MAP3K5: variants seen among roughly 807,000 people sequenced by gnomAD.
MAP3K5 encodes ASK-1.
MAP3K5 carries 56 observed loss-of-function variants against 158.7 expected under a neutral mutation model. That is an observed-to-expected ratio of 0.35 (90% CI 0.28 to 0.44). MAP3K5 has a LOEUF of 0.44. Ranked by LOEUF, MAP3K5 falls within the 20% of genes least tolerant of loss-of-function variation. The pLI is 1.00. For synonymous variants in MAP3K5, 579 were observed against 601.7 expected (o/e 0.96, Z 0.55); for missense variants, 1,294 against 1,674.8 (o/e 0.77, Z 3.97).
chr6:136,743,805 A>G (rs1782816666), intron 1 of MAP3K5, among the ~76,000 whole-genome samples: 1 of 152,212 alleles, frequency 6.6e-6, no homozygotes. Context: ...TCAGGATGTA[A>G]GTGGATAAAT....
intron 21 of MAP3K5, among the ~76,000 whole-genome samples, chr6:136,599,366 G>A (rs1312410781): frequency 6.6e-6 from 1 of 152,122 alleles, no homozygotes; most frequent in Non-Finnish European, 1.5e-5. Context: ...AACGGCGAAA[G>A]GGCAGTGGGA....
At position 136,595,395 on chromosome 6, in the gene MAP3K5, C is replaced by T. The variant is rs554240372; in HGVS notation, c.2879-2781G>A. On this transcript the variant is annotated intron_variant, in intron 21 of 29. Transcript: ENST00000359015. ...TCTGGGATTACAGGTGTTGAGCCAC[C>T]GCACCCGGCCTGCTTGATTTTAAAT... 1.1e-4 allele frequency among the ~76,000 whole-genome samples: 16 copies of T among 152,246 alleles called. 1 individual carries two copies. The East Asian group carries it at 1.9e-3, about 18-fold the overall frequency.
At chr6:136,741,636 A>C (rs1225373334) in intron 1 of MAP3K5, among the ~76,000 whole-genome samples, 1 of 152,162 alleles carries the variant, frequency 6.6e-6, no homozygotes, top group Admixed American at 6.5e-5. Context: ...TGGAAATCCC[A>C]GCTAATGAAA....
chr6:136,733,616 A>C (rs963988700), intron 1 of MAP3K5, among the ~76,000 whole-genome samples: 2 of 151,490 alleles, frequency 1.3e-5, no homozygotes, highest in South Asian at 4.2e-4. Context: ...GTTAAAAAAC[A>C]AAAAACAAAC....
rs1406916233 is a variant in MAP3K5, at chr6:136,698,488, C to T, written c.806+1G>A. The T allele has an allele frequency of 1.2e-6, 2 of 1,612,388 alleles. No homozygotes were observed. The highest frequency in any genetic ancestry group is 1.7e-6 in the Non-Finnish European group (2 of 1,178,928). ...AAATGGCATTATTAATTAAACTTTA[C>T]CTAGAACTTGCTTGTGCCACCTTCA... On this transcript the variant is annotated splice_donor_variant, in intron 4 of 29. Transcript: ENST00000359015. LOFTEE classifies it high-confidence loss of function.
Position 136,562,633 on chromosome 6 carries a change from ATTGT to A in MAP3K5, c.3762-22_3762-19del. ...CCAGTAATCTGCAGAAGAAAAATATATTGTTTGACAGGAGGTGACACAGGGTGAC... is the reference window on the plus strand; with the variant it reads ...CCAGTAATCTGCAGAAGAAAAATATATTGACAGGAGGTGACACAGGGTGAC... On this transcript the variant is annotated intron_variant, in intron 26 of 29. Coordinates refer to ENST00000359015, the MANE Select transcript of MAP3K5 (RefSeq NM_005923.4). 7.4e-7 allele frequency: 1 copy of A among 1,351,900 alleles called. No individual in the cohort carries two copies. The allele number at this position is 1,351,900 out of a possible 1,614,324, so 83.7% of individuals were successfully genotyped here. A position where few individuals can be genotyped will look rare whatever the true frequency, so the allele number is the denominator to read the frequency against.
chr6:136,591,371 C>T (rs1038683888), intron 23 of MAP3K5, among the ~76,000 whole-genome samples: 3 of 152,334 alleles, frequency 2.0e-5, no homozygotes, highest in East Asian at 1.9e-4. Context: ...CTTTCCAGGG[C>T]GGGTGCCCGC....
At chr6:136,735,024 A>G (rs549639444) in intron 1 of MAP3K5, among the ~76,000 whole-genome samples, 6 of 152,364 alleles carry the variant, frequency 3.9e-5, no homozygotes, top group African/African-American at 1.4e-4. Flanking sequence ...ACCTCTTCAC[A>G]TGGAAAACAG....
chr6:136,727,090 T>C (rs1465768200), intron 1 of MAP3K5, among the ~76,000 whole-genome samples: 1 of 152,198 alleles, frequency 6.6e-6, no homozygotes, highest in Non-Finnish European at 1.5e-5. Context: ...CTGACTCTGC[T>C]GGGTACCTTC....
At chr6:136,782,891 T>TA (rs1411834031) in intron 1 of MAP3K5, among the ~76,000 whole-genome samples, 3 of 152,230 alleles carry the variant, frequency 2.0e-5, no homozygotes, top group Non-Finnish European at 4.4e-5. Flanking sequence ...TTTGAACACT[T>TA]AGACAAGATT....
chr6:136,632,222 C>T (rs1016813720), intron 14 of MAP3K5, among the ~76,000 whole-genome samples: 2 of 152,108 alleles, frequency 1.3e-5, no homozygotes, highest in African/African-American at 4.8e-5. Flanking sequence ...ATACTTCCTT[C>T]TACAAAAAGG....
chr6:136,713,104 C>G (rs972744234), intron 2 of MAP3K5, among the ~76,000 whole-genome samples: 11 of 152,138 alleles, frequency 7.2e-5, no homozygotes, highest in Non-Finnish European at 1.6e-4. Flanking sequence ...CCAAAAAGAT[C>G]AACTTCCACA....
chr6:136,792,279 TCGCCGCCG>T lies in MAP3K5; in HGVS notation c.-130_-123del. On this transcript the variant is annotated 5_prime_UTR_variant, in exon 1 of 30. Coordinates refer to ENST00000359015, the MANE Select transcript of MAP3K5 (RefSeq NM_005923.4). The surrounding 1 kb of genome is among the most constrained non-coding windows in gnomAD (Gnocchi z 5.7). Reference sequence around the variant, plus strand: ...GCAGCTGCCATCGCGCGCCGCGCCCTCGCCGCCGCGCCGCCGCCTCCTCTCCGGCGCCC... The same window carrying T: ...GCAGCTGCCATCGCGCGCCGCGCCCTCGCCGCCGCCTCCTCTCCGGCGCCC... 2 of 1,110,436 alleles carry T rather than the reference TCGCCGCCG, an allele frequency of 1.8e-6. No homozygotes were observed. The highest frequency in any genetic ancestry group is 2.2e-6 in the Non-Finnish European group (2 of 918,006). The allele number at this position is 1,110,436 out of a possible 1,614,324, so 68.8% of individuals were successfully genotyped here. A position where few individuals can be genotyped will look rare whatever the true frequency, so the allele number is the denominator to read the frequency against.
chr6:136,579,792 T>C (rs1342024616), intron 25 of MAP3K5: 2 of 456,372 alleles, frequency 4.4e-6, no homozygotes, highest in South Asian at 1.5e-5. Flanking sequence ...CTTAAACTGC[T>C]CTAAAAGACT....
At chr6:136,571,602 A>T (rs992685003) in intron 25 of MAP3K5, among the ~76,000 whole-genome samples, 1 of 152,232 alleles carries the variant, frequency 6.6e-6, no homozygotes, top group African/African-American at 2.4e-5. Context: ...TCTAAGGCTG[A>T]ATAATATTCC....
chr6:136,701,454 A>G (rs1023807793), intron 3 of MAP3K5, among the ~76,000 whole-genome samples: 15 of 152,334 alleles, frequency 9.8e-5, no homozygotes, highest in African/African-American at 3.6e-4. Flanking sequence ...TTGAAAATCA[A>G]GTATGCTAAA....
At chr6:136,715,418 AATCTACCACC>A (rs1781476804) in intron 2 of MAP3K5, among the ~76,000 whole-genome samples, 1 of 152,198 alleles carries the variant, frequency 6.6e-6, no homozygotes, top group South Asian at 2.1e-4. Context: ...TAGCACTCAT[AATCTACCACC>A]TAGATTTAGA....
chr6:136,761,901 G>A (rs1783775553), intron 1 of MAP3K5, among the ~76,000 whole-genome samples: 4 of 152,190 alleles, frequency 2.6e-5, no homozygotes, highest in Admixed American at 1.3e-4. Flanking sequence ...CTTGAGACCA[G>A]AAAAGGTCAA....
At chr6:136,759,761 ATTTTTT>A (rs11317822) in intron 1 of MAP3K5, among the ~76,000 whole-genome samples, 1 of 99,932 alleles carries the variant, frequency 1.0e-5, no homozygotes. Context: ...CCAGCCCTCT[ATTTTTT>A]TTTTTTTTTT....
Sources: gnomAD v4.1 joint callset for allele counts (sites outside exome capture counted in the v4.1 genomes callset) on GRCh38, gnomAD v4.1.1 for gene constraint, Gnocchi (gnomAD v3.1) non-coding constraint, MANE v1.5 for transcripts, NCBI Gene and HGNC (gene_info 2026-07-23, HGNC 2026-07-21) for gene names.